HNRNPR: variants seen among roughly 807,000 people sequenced by gnomAD.
HNRNPR encodes heterogeneous nuclear ribonucleoprotein R.
HNRNPR carries 4 observed loss-of-function variants against 70.3 expected under a neutral mutation model. The observed-to-expected ratio is 0.06, with a 90% CI of 0.03 to 0.13. The LOEUF is 0.13. Ranked by LOEUF, HNRNPR falls within the 10% of genes least tolerant of loss-of-function variation. The pLI is 1.00. For missense variants in HNRNPR, 423 were observed against 788.5 expected (o/e 0.54, Z 5.55); for synonymous variants, 241 against 267.6 (o/e 0.90, Z 0.97).
chr1:23,341,154 T>A, intron 1 of HNRNPR, 137 bp from the exon 2 acceptor site: 2 of 608,140 alleles, frequency 3.3e-6, no homozygotes, highest in South Asian at 5.0e-5. Context: ...ATTCCTCCTG[T>A]GATGTATCTG....
At chr1:23,315,793 A>T (rs1645520155) in intron 8 of HNRNPR, among the ~76,000 whole-genome samples, 1 of 152,218 alleles carries the variant, frequency 6.6e-6, no homozygotes, top group Admixed American at 6.5e-5. Context: ...ATACTAATTT[A>T]AGGAGGAAAA....
chr1:23,312,673 G>A, intron 9 of HNRNPR, among the ~76,000 whole-genome samples: 1 of 152,080 alleles, frequency 6.6e-6, no homozygotes, highest in East Asian at 1.9e-4. Flanking sequence ...ACCAATCAGG[G>A]ATTCTATAAA....
At position 23,308,305 on chromosome 1, in the gene HNRNPR, CAG is replaced by C. The variant is rs1330479076; in HGVS notation, c.*2147_*2148del. On this transcript the variant is annotated 3_prime_UTR_variant, in exon 11 of 11. Coordinates refer to ENST00000302271, the MANE Select transcript of HNRNPR (RefSeq NM_005826.5). ...ATGTTTTTGCGAGGGTTTGTTTTCT[CAG>C]AATCATTTCTATCCCCATTCTTAGC... The C allele has an allele frequency of 6.6e-6, 1 of 152,042 alleles. No individual in the cohort carries two copies. The allele number at this position is 152,042 out of a possible 1,614,324, so 9.4% of individuals were successfully genotyped here.
intron 1 of HNRNPR, among the ~76,000 whole-genome samples, chr1:23,342,232 G>A (rs1269602546): frequency 6.6e-6 from 1 of 152,158 alleles, no homozygotes; most frequent in East Asian, 1.9e-4. Flanking sequence ...AATGCACCAG[G>A]TGCAGTTTTC....
Position 23,318,512 on chromosome 1 carries a change from C to G in HNRNPR, c.988G>C (p.Glu330Gln), listed in dbSNP as rs1403391485. The stretch of plus-strand genomic sequence containing the variant: ...GCCATGACTTCTGGATCTGGTTCTT[C>G]CACAGGGTCAGCCCATTCAACTGTA... ...VVTVEWADPV[E>Q]EPDPEVMAKV... The change falls in exon 8 of 11, where the codon GAA becomes CAA. Residue 330 changes from glutamate (E) to glutamine (Q), a missense_variant. Glu to Gln is a conservative substitution (Grantham distance 29). Transcript: ENST00000302271. This position sits in a 1 kb window ranked among gnomAD's most constrained non-coding sequence, Gnocchi z 4.2. The G allele has an allele frequency of 6.2e-7, 1 of 1,614,198 alleles. No homozygotes were observed. Among genetic ancestry groups the G allele is most frequent in the Admixed American group, 1.7e-5 (1 of 60,030 alleles).
intron 4 of HNRNPR, among the ~76,000 whole-genome samples, chr1:23,336,595 A>C (rs1187648162): frequency 2.0e-5 from 3 of 148,592 alleles, no homozygotes; most frequent in Non-Finnish European, 4.5e-5. Flanking sequence ...AAAAAAAAAA[A>C]AAAAATTAGC....
Position 23,310,694 on chromosome 1 carries a change from T to A in HNRNPR, c.1662A>T (p.Arg554Ser). 6.2e-7 allele frequency: 1 copy of A among 1,613,428 alleles called. No individual in the cohort carries two copies. Among genetic ancestry groups the A allele is most frequent in the Non-Finnish European group, 8.5e-7 (1 of 1,179,714 alleles). The change falls in exon 11 of 11, where the codon AGA (arginine) becomes AGT (serine). Residue 554 changes from arginine to serine, a missense_variant. Arg to Ser is a moderately radical substitution (Grantham distance 110). Coordinates refer to ENST00000302271, the MANE Select transcript of HNRNPR (RefSeq NM_005826.5). The surrounding 1 kb of genome is among the most constrained non-coding windows in gnomAD (Gnocchi z 6.0). The stretch of plus-strand genomic sequence containing the variant: ...CCCGAGATCCACGGGAACCACGGCC[T>A]CTCTGCTGTTGAGCAGGACCCCCTC... ...GGRGGPAQQQ[R>S]GRGSRGSRGN...
In HNRNPR at chr1:23,321,642, G is replaced by A. The variant is rs760826644; in HGVS notation, c.697C>T (p.Pro233Ser). The A allele has an allele frequency of 3.1e-6, 5 of 1,608,280 alleles. No homozygotes were observed. Among genetic ancestry groups the A allele is most frequent in the Non-Finnish European group, 4.2e-6 (5 of 1,176,780 alleles). ...VKLCDSYEIR[P>S]GKHLGVCISV... is the part of the protein sequence containing the mutation. The stretch of plus-strand genomic sequence containing the variant: ...ATGCACACTCCAAGGTGTTTACCAG[G>A]GCGAATTTCATAGCTGTCACACTGC... Residue 233 changes from proline to serine, a missense_variant, in exon 7 of 11, where the codon CCT becomes TCT. By Grantham distance (74) the Pro-to-Ser change is moderately conservative. Around this residue, in one of 7 missense-constraint regions of HNRNPR, gnomAD observed 118 missense variants for 239.3 expected, o/e 0.49. Transcript: ENST00000302271.
rs181129918 is a variant in HNRNPR at position 23,324,339 on chromosome 1, T to C, written c.499-607A>G. On this transcript the variant is annotated intron_variant, in intron 5 of 10. Transcript: ENST00000302271. ...ATCCCAGCACTTTGGGAGGCCGAGG[T>C]GGGTGGATCACAAGGTCAGGAGATC... Among the ~76,000 whole-genome samples the C allele has an allele frequency of 1.4e-3, 214 of 151,306 alleles. 2 individuals are homozygous for C. The highest frequency in any genetic ancestry group is 4.8e-3 in the African/African-American group (198 of 41,212).
At position 23,335,835 on chromosome 1, in the gene HNRNPR, C is replaced by T. The variant is rs541608041; in HGVS notation, c.384+1919G>A. On this transcript the variant is annotated intron_variant, in intron 4 of 10. Transcript: ENST00000302271. The stretch of plus-strand genomic sequence containing the variant: ...CTATTTCTAATTAAAAAGTCTATCA[C>T]AGCCGGGCGCGGTGGCTCACGCCTG... Among the ~76,000 whole-genome samples, 27 of 152,172 alleles carry T rather than the reference C, an allele frequency of 1.8e-4. No individual in the cohort carries two copies. In the East Asian group the frequency reaches 3.9e-3, roughly 22 times the overall value.
At chr1:23,338,899 C>T (rs1372127106) in intron 2 of HNRNPR, among the ~76,000 whole-genome samples, 1 of 152,150 alleles carries the variant, frequency 6.6e-6, no homozygotes, top group Non-Finnish European at 1.5e-5. Context: ...AGGTATAAGT[C>T]TTGAAAGTTA....
chr1:23,309,757 T>C lies in HNRNPR; in HGVS notation c.*697A>G, dbSNP rs931012148. The C allele has an allele frequency of 6.6e-6, 1 of 152,642 alleles. No individual in the cohort carries two copies. Among genetic ancestry groups the C allele is most frequent in the Non-Finnish European group, 1.5e-5 (1 of 68,016 alleles). The allele number at this position is 152,642 out of a possible 1,614,324, so 9.5% of individuals were successfully genotyped here. ...AAGGATTACGAATAAAATAATGTTT[T>C]AGGACACAATTGAATTTGAAATAGG... On this transcript the variant is annotated 3_prime_UTR_variant, in exon 11 of 11. Coordinates refer to ENST00000302271, the MANE Select transcript of HNRNPR (RefSeq NM_005826.5).
chr1:23,340,250 C>A (rs567708165), intron 2 of HNRNPR, among the ~76,000 whole-genome samples: 2 of 151,754 alleles, frequency 1.3e-5, no homozygotes, highest in African/African-American at 4.8e-5. Context: ...AAACCACTTA[C>A]AACCAACTAT....
chr1:23,313,514 A>C (rs1350433385), intron 9 of HNRNPR, 39 bp downstream of exon 9: 2 of 1,409,394 alleles, frequency 1.4e-6, no homozygotes, highest in South Asian at 2.7e-5. Flanking sequence ...TTCAAAAACA[A>C]AATTCAAATA....
intron 2 of HNRNPR, among the ~76,000 whole-genome samples, chr1:23,340,547 T>A (rs1646671610): frequency 1.3e-5 from 2 of 152,278 alleles, no homozygotes; most frequent in Admixed American, 1.3e-4. Context: ...CTGATTTTGA[T>A]TAAGAAAAAA....
In HNRNPR at chr1:23,318,741, G is replaced by T; in HGVS notation, c.812-53C>A. ...GCCAAAAGCATCCACCACACATCTA[G>T]CGATTAGGCAGACCTAAATCCACTT... On this transcript the variant is annotated intron_variant, in intron 7 of 10. Coordinates refer to ENST00000302271, the MANE Select transcript of HNRNPR (RefSeq NM_005826.5). The surrounding 1 kb of genome is among the most constrained non-coding windows in gnomAD (Gnocchi z 4.2). 2 of 1,565,158 alleles carry T rather than the reference G, an allele frequency of 1.3e-6. No individual in the cohort carries two copies. The highest frequency in any genetic ancestry group is 1.1e-5 in the South Asian group (1 of 88,770).
intron 4 of HNRNPR, among the ~76,000 whole-genome samples, chr1:23,336,226 G>A (rs1221775517): frequency 6.6e-6 from 1 of 150,968 alleles, no homozygotes; most frequent in Non-Finnish European, 1.5e-5. Flanking sequence ...AGGAGTTTGA[G>A]ACCAGCCTGG....
chr1:23,313,519 C>A (rs2148323419), intron 9 of HNRNPR, 34 bp downstream of exon 9: 1 of 1,450,120 alleles, frequency 6.9e-7, no homozygotes, highest in South Asian at 1.3e-5. Flanking sequence ...AAACAAAATT[C>A]AAATATCAAG....
At chr1:23,313,777 T>C (rs1309164629) in intron 8 of HNRNPR, 75 bp from the exon 9 acceptor site, 5 of 1,462,810 alleles carry the variant, frequency 3.4e-6, no homozygotes, top group Non-Finnish European at 4.6e-6. Flanking sequence ...CCTGTCTTCA[T>C]AGCATAGCTT....
Sources: gnomAD v4.1 joint callset for allele counts (sites outside exome capture counted in the v4.1 genomes callset) on GRCh38, gnomAD v4.1.1 for gene constraint, gnomAD v4.1.1 regional missense constraint, Gnocchi (gnomAD v3.1) non-coding constraint, MANE v1.5 for transcripts, NCBI Gene and HGNC (gene_info 2026-07-23, HGNC 2026-07-21) for gene names.